Variants in UHMK1 observed in about 807,000 individuals in gnomAD.
UHMK1 encodes U2AF homology motif kinase 1, also known as serine/threonine-protein kinase Kist.
UHMK1 carries 18 observed loss-of-function variants against 44.0 expected under a neutral mutation model. The observed-to-expected ratio is 0.41, with a 90% CI of 0.28 to 0.61. The LOEUF is 0.61. Among genes scored for constraint, UHMK1 ranks in the 20% least tolerant of loss-of-function variants. UHMK1 has a pLI of 0.31. For missense variants in UHMK1, 463 were observed against 522.5 expected (o/e 0.89, Z 1.11); for synonymous variants, 231 against 198.5 (o/e 1.16, Z -1.38).
chr1:162,500,372 C>A, intron 2 of UHMK1, 125 bp downstream of exon 2: 1 of 1,118,784 alleles, frequency 8.9e-7, no homozygotes, highest in Non-Finnish European at 1.2e-6. Flanking sequence ...TACTGAAATG[C>A]CAGGGGATGC....
At position 162,528,133 on chromosome 1, in the gene UHMK1, A is replaced by G. The variant is rs79236436; in HGVS notation, c.*5583A>G. 30 of 152,192 alleles carry G rather than the reference A, an allele frequency of 2.0e-4. No individual in the cohort carries two copies. In the East Asian group the frequency reaches 5.6e-3, roughly 28 times the overall value. The allele number at this position is 152,192 out of a possible 1,614,324, so 9.4% of individuals were successfully genotyped here. On this transcript the variant is annotated 3_prime_UTR_variant, in exon 8 of 8. Transcript: ENST00000489294. ...AAGAGCAAATGTAGTGAGGTATTCAAAAATCCTGCATATATGGACTCAAAA... is the reference window on the plus strand; with the variant it reads ...AAGAGCAAATGTAGTGAGGTATTCAGAAATCCTGCATATATGGACTCAAAA...
chr1:162,506,403 C>T (rs1271013065), intron 4 of UHMK1, among the ~76,000 whole-genome samples: 1 of 151,856 alleles, frequency 6.6e-6, no homozygotes, highest in Non-Finnish European at 1.5e-5. Context: ...TTTTTTGTTG[C>T]TGTTGTTGAA....
chr1:162,520,832 G>A (rs1280718648), intron 7 of UHMK1, among the ~76,000 whole-genome samples: 4 of 152,122 alleles, frequency 2.6e-5, no homozygotes, highest in Admixed American at 2.0e-4. Context: ...GGAAGATTTC[G>A]AATGAAGGAC....
chr1:162,499,418 C>G (rs1200560674), intron 1 of UHMK1, among the ~76,000 whole-genome samples: 1 of 152,114 alleles, frequency 6.6e-6, no homozygotes, highest in African/African-American at 2.4e-5. Context: ...CCTCCTGCCT[C>G]GGTCTCTCAG....
intron 6 of UHMK1, among the ~76,000 whole-genome samples, chr1:162,513,868 T>C (rs1262978991): frequency 2.0e-5 from 3 of 152,262 alleles, no homozygotes; most frequent in Non-Finnish European, 4.4e-5. Context: ...GCGTCAGGTA[T>C]AGAATAATAT....
At chr1:162,497,767 C>G, upstream of UHMK1, 1 of 1,223,590 alleles carries the variant, frequency 8.2e-7, no homozygotes, top group Non-Finnish European at 1.0e-6. Context: ...CCCTTCTGAG[C>G]CCCCCCTCCT....
rs1298623318 is a variant in UHMK1 at position 162,503,804 on chromosome 1, G to A, written c.804G>A (p.Val268=). 1 of 1,614,094 alleles carries A rather than the reference G, an allele frequency of 6.2e-7. No individual in the cohort carries two copies. Among genetic ancestry groups the A allele is most frequent in the South Asian group, 1.1e-5 (1 of 91,074 alleles). ...ACATATTTGCCAGTAAAGCAGTGGT[G>A]AATGCCGCAATTCCAGCCTATCACC... ...IDHIFASKAV[V]NAAIPAYHLR... is the part of the protein sequence containing the mutation. The change falls in exon 4 of 8, where the codon GTG becomes GTA. Residue 268 remains valine, a synonymous_variant. Coordinates refer to ENST00000489294, the MANE Select transcript of UHMK1 (RefSeq NM_175866.5).
At chr1:162,500,824 T>C (rs1651240759) in intron 2 of UHMK1, 89 bp from the exon 3 acceptor site, 2 of 1,298,166 alleles carry the variant, frequency 1.5e-6, no homozygotes, top group African/African-American at 3.0e-5. Context: ...GTGGGTTTAC[T>C]GCACTCTTAG....
intron 7 of UHMK1, among the ~76,000 whole-genome samples, chr1:162,519,719 C>T (rs1408961557): frequency 6.6e-6 from 1 of 152,134 alleles, no homozygotes; most frequent in Admixed American, 6.5e-5. Flanking sequence ...TAGGGTTTCT[C>T]ATTCTTGACA....
intron 4 of UHMK1, among the ~76,000 whole-genome samples, chr1:162,509,924 C>T (rs757903451): frequency 5.3e-5 from 8 of 151,840 alleles, no homozygotes; most frequent in Non-Finnish European, 1.2e-4. Flanking sequence ...GGATTACAGG[C>T]GTGAGCCACC....
chr1:162,520,135 C>T (rs973600966), intron 7 of UHMK1, among the ~76,000 whole-genome samples: 1 of 152,186 alleles, frequency 6.6e-6, no homozygotes, highest in Non-Finnish European at 1.5e-5. Flanking sequence ...TCAAGAGATC[C>T]AACCCGATTC....
At chr1:162,504,694 G>A (rs972860267) in intron 4 of UHMK1, among the ~76,000 whole-genome samples, 1 of 152,222 alleles carries the variant, frequency 6.6e-6, no homozygotes, top group Non-Finnish European at 1.5e-5. Context: ...GTGAGTGAAT[G>A]TGAGGGCCTA....
Position 162,512,832 on chromosome 1 carries a change from TTTCTAAATTA to T in UHMK1, c.1024+11_1024+20del, listed in dbSNP as rs1244409476. 3 of 1,609,838 alleles carry T rather than the reference TTTCTAAATTA, an allele frequency of 1.9e-6. No homozygotes were observed. Among genetic ancestry groups the T allele is most frequent in the Non-Finnish European group, 2.5e-6 (3 of 1,176,678 alleles). ...TGAAGAGGAATATGAAGGTTAGTGT[TTTCTAAATTA>T]TATTTTAATGTGTCTTTCTTAAATA... On this transcript the variant is annotated intron_variant, in intron 6 of 7. Coordinates refer to ENST00000489294, the MANE Select transcript of UHMK1 (RefSeq NM_175866.5).
chr1:162,499,528 C>T (rs1332439756), intron 1 of UHMK1, among the ~76,000 whole-genome samples: 2 of 152,136 alleles, frequency 1.3e-5, no homozygotes. Context: ...TGTGACATTC[C>T]TTTTAAAAGA....
At chr1:162,518,023 TTGA>T in intron 6 of UHMK1, 76 bp from the exon 7 acceptor site, 1 of 977,778 alleles carries the variant, frequency 1.0e-6, no homozygotes, top group Non-Finnish European at 1.6e-6. Context: ...CCTGAATTCT[TTGA>T]TGATTAAAAA....
chr1:162,499,002 A>G (rs1017128646), intron 1 of UHMK1, among the ~76,000 whole-genome samples: 4 of 152,218 alleles, frequency 2.6e-5, no homozygotes, highest in African/African-American at 9.7e-5. Context: ...AAGAATTAAC[A>G]CTAGTGCTAC....
At position 162,524,798 on chromosome 1, in the gene UHMK1, A is replaced by T. The variant is rs1652186091; in HGVS notation, c.*2248A>T. 6.6e-6 allele frequency: 1 copy of T among 152,238 alleles called. No individual in the cohort carries two copies. Among genetic ancestry groups the T allele is most frequent in the Admixed American group, 6.5e-5 (1 of 15,274 alleles). 9.4% of individuals were successfully genotyped at this position (152,238 alleles called of 1,614,324 possible). A position where few individuals can be genotyped will look rare whatever the true frequency, so the allele number is the denominator to read the frequency against. Reference sequence around the variant, plus strand: ...ACATATATTTAGTGCTTGACACTGTAGAATTTTGTTACAGAAGATGGTTAC... The same window carrying T: ...ACATATATTTAGTGCTTGACACTGTTGAATTTTGTTACAGAAGATGGTTAC... On this transcript the variant is annotated 3_prime_UTR_variant, in exon 8 of 8. Coordinates refer to ENST00000489294, the MANE Select transcript of UHMK1 (RefSeq NM_175866.5).
rs555818084 is a variant in UHMK1, at chr1:162,506,321, T to C, written c.848+2473T>C. Among the ~76,000 whole-genome samples, 382 of 151,466 alleles carry C rather than the reference T, an allele frequency of 2.5e-3. 1 individual carries two copies. Among genetic ancestry groups the C allele is most frequent in the African/African-American group, 8.9e-3 (369 of 41,354 alleles). On this transcript the variant is annotated intron_variant, in intron 4 of 7. Transcript: ENST00000489294. ...AAATTATAAACCCACATTCTAGTGTTAGCACTTTGGTATATTTCCTTCCAC... is the reference window on the plus strand; with the variant it reads ...AAATTATAAACCCACATTCTAGTGTCAGCACTTTGGTATATTTCCTTCCAC...
At chr1:162,514,235 C>T (rs527258167) in intron 6 of UHMK1, among the ~76,000 whole-genome samples, 2 of 151,364 alleles carry the variant, frequency 1.3e-5, no homozygotes, top group African/African-American at 4.9e-5. Context: ...GTTGCAGTGA[C>T]CCGAGATTGC....
Sources: gnomAD v4.1 joint callset for allele counts (sites outside exome capture counted in the v4.1 genomes callset) on GRCh38, gnomAD v4.1.1 for gene constraint, MANE v1.5 for transcripts, NCBI Gene and HGNC (gene_info 2026-07-23, HGNC 2026-07-21) for gene names.